The following DBF4B variants were observed in gnomAD, a reference collection of about 807,000 sequenced individuals.
DBF4B encodes DBF4B-CDC7 kinase regulatory subunit.
DBF4B carries 49 observed loss-of-function variants against 53.4 expected under a neutral mutation model. The observed-to-expected ratio is 0.92, with a 90% CI of 0.73 to 1.16. DBF4B has a LOEUF of 1.16. Ranked by LOEUF, DBF4B falls within the 50% of genes most tolerant of loss-of-function variation. The pLI is 0.00. For missense variants in DBF4B, 692 were observed against 775.0 expected (o/e 0.89, Z 1.27); for synonymous variants, 257 against 288.7 (o/e 0.89, Z 1.11).
Position 44,747,147 on chromosome 17 carries a change from G to A in DBF4B, c.895G>A (p.Gly299Ser), listed in dbSNP as rs746940212. 1.1e-5 allele frequency: 18 copies of A among 1,614,112 alleles called. No homozygotes were observed. In the Admixed American group the frequency reaches 2.8e-4, roughly 25 times the overall value. The change falls in exon 11 of 14, where the codon GGC becomes AGC. Residue 299 changes from glycine (G) to serine (S), a missense_variant. By Grantham distance (56) the Gly-to-Ser change is moderately conservative. Coordinates refer to ENST00000315005, the MANE Select transcript of DBF4B (RefSeq NM_145663.3). The part of the protein sequence containing the change: ...AAHTMPRRKK[G>S]YCECCQEAFE... ...CCACACCATGCCCAGGAGGAAGAAA[G>A]GCTACTGCGAGTGCTGTCAGGAGGC...
At chr17:44,715,767 T>C (rs1342344799) in intron 2 of DBF4B, among the ~76,000 whole-genome samples, 2 of 150,884 alleles carry the variant, frequency 1.3e-5, no homozygotes, top group African/African-American at 2.4e-5. Flanking sequence ...TATGTCTATT[T>C]CCTCTTCTTT....
chr17:44,729,308 G>A (rs1159314318), intron 3 of DBF4B, among the ~76,000 whole-genome samples: 1 of 149,710 alleles, frequency 6.7e-6, no homozygotes, highest in Admixed American at 6.7e-5. Context: ...CTCAAGTGAT[G>A]CTCCTGCCTC....
Position 44,748,407 on chromosome 17 carries a change from C to T in DBF4B, c.1131C>T (p.Pro377=), listed in dbSNP as rs1263954065. The T allele has an allele frequency of 6.2e-7, 1 of 1,613,982 alleles. No individual in the cohort carries two copies. The highest frequency in any genetic ancestry group is 1.7e-5 in the Admixed American group (1 of 60,010). The change falls in exon 13 of 14, where the codon CCC becomes CCT. Residue 377 remains proline (P), a synonymous_variant. Coordinates refer to ENST00000315005, the MANE Select transcript of DBF4B (RefSeq NM_145663.3). ...LCPETLHPHQ[P]SHPRAASPRI... ...CTGAGACTCTGCACCCCCATCAGCC[C>T]TCCCATCCCAGGGCAGCATCTCCCA... is the stretch of plus-strand genomic sequence containing the variant.
intron 10 of DBF4B, among the ~76,000 whole-genome samples, chr17:44,746,619 G>A (rs1976621397): frequency 6.6e-6 from 1 of 152,132 alleles, no homozygotes; most frequent in Admixed American, 6.6e-5. Context: ...AGGAGTTTGA[G>A]ACCAACCTGG....
At chr17:44,723,091 A>G in intron 3 of DBF4B, 69 bp downstream of exon 3, 1 of 1,579,214 alleles carries the variant, frequency 6.3e-7, no homozygotes, top group Non-Finnish European at 8.6e-7. Context: ...TTGGATGGGG[A>G]TTATATCTAT....
At chr17:44,714,929 A>G (rs1047744421) in intron 2 of DBF4B, among the ~76,000 whole-genome samples, 1 of 152,034 alleles carries the variant, frequency 6.6e-6, no homozygotes, top group African/African-American at 2.4e-5. Context: ...CTTTTACATT[A>G]GCTGGTCTCC....
chr17:44,712,933 A>C (rs960915277), intron 2 of DBF4B, among the ~76,000 whole-genome samples: 2 of 151,118 alleles, frequency 1.3e-5, no homozygotes, highest in African/African-American at 4.9e-5. Flanking sequence ...TTTCTGTCCT[A>C]CCACTTCTCT....
chr17:44,736,138 T>C (rs1490057811), intron 7 of DBF4B, among the ~76,000 whole-genome samples: 2 of 149,990 alleles, frequency 1.3e-5, no homozygotes, highest in Non-Finnish European at 3.0e-5. Context: ...TGCGCCACCA[T>C]GCCTGGCTAA....
rs762912188 is a variant in DBF4B, at chr17:44,729,932, G to GTAAGT, written c.256_260dup (p.Tyr87Ter). The stretch of plus-strand genomic sequence containing the variant: ...AATTGAGGGTTTTCTGAGCAAAGAA[G>GTAAGT]TAAGTTACATCGTGTCCAGCCGCAG... On this transcript the variant is annotated frameshift_variant, in exon 4 of 14. Coordinates refer to ENST00000315005, the MANE Select transcript of DBF4B (RefSeq NM_145663.3). LOFTEE classifies it high-confidence loss of function. The GTAAGT allele has an allele frequency of 2.5e-6, 4 of 1,614,088 alleles. No homozygotes were observed. In the Admixed American group the frequency reaches 6.7e-5, roughly 27 times the overall value.
chr17:44,751,553 C>T lies in DBF4B; in HGVS notation c.*300C>T, dbSNP rs2049277980. On this transcript the variant is annotated 3_prime_UTR_variant, in exon 14 of 14. Coordinates refer to ENST00000315005, the MANE Select transcript of DBF4B (RefSeq NM_145663.3). ...GCCAACCACTCTTGTTGGTTTCCTT[C>T]TCAGACTTGCCACCTTTCCCCTCTG... 3.7e-6 allele frequency: 5 copies of T among 1,357,430 alleles called. No homozygotes were observed. In the African/African-American group the frequency reaches 5.8e-5, roughly 16 times the overall value. 84.1% of individuals were successfully genotyped at this position (1,357,430 alleles called of 1,614,324 possible). A position where few individuals can be genotyped will look rare whatever the true frequency, so the allele number is the denominator to read the frequency against.
chr17:44,736,708 G>T (rs1159549262), intron 7 of DBF4B, 122 bp from the exon 8 acceptor site: 2 of 1,025,282 alleles, frequency 2.0e-6, no homozygotes, highest in Non-Finnish European at 3.0e-6. Flanking sequence ...GTCTGGTTCT[G>T]CAGGCCTCTC....
In DBF4B at chr17:44,722,914, C is replaced by T. The variant is rs745462655; in HGVS notation, c.117C>T (p.Asn39=). 4 of 1,614,208 alleles carry T rather than the reference C, an allele frequency of 2.5e-6. No individual in the cohort carries two copies. In the Admixed American group the frequency reaches 5.0e-5, roughly 20 times the overall value. The change falls in exon 3 of 14, where the codon AAC becomes AAT. Residue 39 remains asparagine (N), a synonymous_variant. Transcript: ENST00000315005. ...VSRCLGKCQK[N]SPGARKHPFS... is the part of the protein sequence containing the mutation. Reference sequence around the variant, plus strand: ...GGTGTCTAGGAAAATGCCAGAAGAACTCACCAGGTGCCAGGAAGCATCCCT... The same window carrying T: ...GGTGTCTAGGAAAATGCCAGAAGAATTCACCAGGTGCCAGGAAGCATCCCT...
intron 13 of DBF4B, 119 bp from the exon 14 acceptor site, chr17:44,750,476 C>G (rs1038592219): frequency 6.8e-7 from 1 of 1,474,250 alleles, no homozygotes; most frequent in East Asian, 2.4e-5. Context: ...CATGTTACCC[C>G]CTTCCTGTTA....
intron 9 of DBF4B, among the ~76,000 whole-genome samples, chr17:44,739,892 G>C (rs1157057889): frequency 6.6e-6 from 1 of 152,128 alleles, no homozygotes; most frequent in Non-Finnish European, 1.5e-5. Flanking sequence ...TGCCTCCCGA[G>C]TAGCTGGGAC....
At chr17:44,712,700 A>G (rs923843186) in intron 2 of DBF4B, among the ~76,000 whole-genome samples, 18 of 151,694 alleles carry the variant, frequency 1.2e-4, no homozygotes, top group African/African-American at 4.4e-4. Context: ...CAGCCTCCCA[A>G]AGTGCTGGGA....
rs147887451 is a variant in DBF4B at position 44,727,424 on chromosome 17, GA to G, written c.226-2471del. On this transcript the variant is annotated intron_variant, in intron 3 of 13. Transcript: ENST00000315005. ...ACAGAGCAAGACTCTGTCTCAAAAA[GA>G]AAAAAAAAAGAAAACAGCATGATAG... Among the ~76,000 whole-genome samples, 346 of 145,088 alleles carry G rather than the reference GA, an allele frequency of 2.4e-3. 8 individuals are homozygous for G. In the East Asian group the frequency reaches 0.03, roughly 12 times the overall value.
intron 2 of DBF4B, among the ~76,000 whole-genome samples, chr17:44,712,301 C>CTTTTTTTTTTTTTTTTTT (rs1163777667): frequency 7.0e-5 from 5 of 71,908 alleles, no homozygotes; most frequent in African/African-American, 5.8e-5. Flanking sequence ...ATTATGTCTT[C>CTTTTTTTTTTTTTTTTTT]TTTTTTTTTT....
At chr17:44,720,100 C>T in intron 2 of DBF4B, 1 of 274,034 alleles carries the variant, frequency 3.6e-6, no homozygotes, top group Non-Finnish European at 7.2e-6. Flanking sequence ...AGTCCCAAGA[C>T]CAGCTGCTTC....
rs1051814012 is a variant in DBF4B, at chr17:44,751,745, C to G, written c.*492C>G. On this transcript the variant is annotated 3_prime_UTR_variant, in exon 14 of 14. Transcript: ENST00000315005. Reference sequence around the variant, plus strand: ...TTCCACACTTCCTTCCTGGGTAGCTCTGCCTGAAGCATTCCACTAAGATCA... The same window carrying G: ...TTCCACACTTCCTTCCTGGGTAGCTGTGCCTGAAGCATTCCACTAAGATCA... 4.1e-6 allele frequency: 6 copies of G among 1,463,264 alleles called. No individual in the cohort carries two copies. The African/African-American group carries it at 4.2e-5, about 10-fold the overall frequency. 90.6% of individuals were successfully genotyped at this position (1,463,264 alleles called of 1,614,324 possible). A position where few individuals can be genotyped will look rare whatever the true frequency, so the allele number is the denominator to read the frequency against.
Sources: gnomAD v4.1 joint callset for allele counts (sites outside exome capture counted in the v4.1 genomes callset) on GRCh38, gnomAD v4.1.1 for gene constraint, MANE v1.5 for transcripts, NCBI Gene and HGNC (gene_info 2026-07-23, HGNC 2026-07-21) for gene names.